The following FRYL variants were observed in gnomAD, a reference collection of about 807,000 sequenced individuals.
FRYL encodes the protein protein furry homolog-like.
In FRYL, 150 loss-of-function variants were observed where a neutral mutation model predicts 351.2. The observed-to-expected ratio is 0.43, with a 90% CI of 0.37 to 0.49. FRYL has a LOEUF of 0.49. FRYL is among the 20% of genes least tolerant of loss of function. FRYL has a pLI of 0.00. For missense variants in FRYL, 3,036 were observed against 3,619.3 expected, an observed-to-expected ratio of 0.84 and a Z score of 4.13; for synonymous variants, 1,153 against 1,257.1, an observed-to-expected ratio of 0.92 and a Z score of 1.75.
intron 3 of FRYL, among the ~76,000 whole-genome samples, chr4:48,647,517 T>C (rs543362873): frequency 1.5e-4 from 23 of 152,324 alleles, no homozygotes; most frequent in Admixed American, 3.3e-4. Flanking sequence ...TATTTATCAA[T>C]AAAATTTTAA....
intron 1 of FRYL, among the ~76,000 whole-genome samples, chr4:48,775,160 C>T (rs1488562685): frequency 6.6e-6 from 1 of 152,216 alleles, no homozygotes; most frequent in East Asian, 1.9e-4. Flanking sequence ...TGGACCTTAA[C>T]CCACCTCCTG....
At chr4:48,700,407 G>C (rs1231519648) in intron 2 of FRYL, among the ~76,000 whole-genome samples, 3 of 152,078 alleles carry the variant, frequency 2.0e-5, no homozygotes, top group African/African-American at 7.2e-5. Flanking sequence ...GTGAAATGCA[G>C]TATTTTACTT....
rs1747472234 is a variant in FRYL, at chr4:48,609,075, A to G, written c.492-8T>C. ...GTGTTGGTTCCTGAATATCTAAAAT[A>G]ACAAAAGAACAAACATAACATTTCA... On this transcript the variant is annotated splice_region_variant and splice_polypyrimidine_tract_variant and intron_variant, in intron 8 of 63. Transcript: ENST00000358350. The G allele has an allele frequency of 2.0e-6, 3 of 1,513,164 alleles. No homozygotes were observed. The highest frequency in any genetic ancestry group is 2.7e-6 in the Non-Finnish European group (3 of 1,092,028). The allele number at this position is 1,513,164 out of a possible 1,614,324, so 93.7% of individuals were successfully genotyped here. A position where few individuals can be genotyped will look rare whatever the true frequency, so the allele number is the denominator to read the frequency against.
chr4:48,725,989 A>T (rs1409559380), intron 1 of FRYL, among the ~76,000 whole-genome samples: 1 of 152,164 alleles, frequency 6.6e-6, no homozygotes, highest in Non-Finnish European at 1.5e-5. Flanking sequence ...TAGGAAAAAA[A>T]ATCACCAATC....
rs569432516 is a variant in FRYL at position 48,683,865 on chromosome 4, C to T, written c.-81+808G>A. 5.9e-5 allele frequency among the ~76,000 whole-genome samples: 9 copies of T among 152,310 alleles called. No individual in the cohort carries two copies. The East Asian group carries it at 1.2e-3, about 20-fold the overall frequency. ...GCCTAAAACTCATTCCTTTCTCCCC[C>T]TCTCTCCCTCCTTCTCTCTCTGGAT... On this transcript the variant is annotated intron_variant, in intron 3 of 63. Transcript: ENST00000358350.
intron 1 of FRYL, among the ~76,000 whole-genome samples, chr4:48,725,077 G>T (rs1413190027): frequency 1.3e-5 from 2 of 152,172 alleles, no homozygotes; most frequent in Admixed American, 1.3e-4. Context: ...ATATAAAAGA[G>T]AAAATTCAAG....
At chr4:48,528,358 G>C in intron 50 of FRYL, 22 bp from the exon 51 acceptor site, 1 of 1,574,114 alleles carries the variant, frequency 6.4e-7, no homozygotes, top group East Asian at 2.3e-5. Flanking sequence ...CAAAATGTCA[G>C]TGTTTGGCTC....
intron 6 of FRYL, among the ~76,000 whole-genome samples, chr4:48,619,728 C>G (rs539609980): frequency 9.2e-5 from 14 of 152,240 alleles, no homozygotes; most frequent in African/African-American, 3.4e-4. Flanking sequence ...TCTCAAATTC[C>G]TGGGTTCAAG....
chr4:48,515,783 TTTCTC>T (rs1399410661), intron 55 of FRYL, among the ~76,000 whole-genome samples: 1 of 152,238 alleles, frequency 6.6e-6, no homozygotes, highest in Non-Finnish European at 1.5e-5. Flanking sequence ...GAGGACTTTT[TTTCTC>T]TTCAGTAACA....
intron 31 of FRYL, among the ~76,000 whole-genome samples, chr4:48,563,578 T>C (rs1477824561): frequency 6.6e-6 from 1 of 151,822 alleles, no homozygotes; most frequent in African/African-American, 2.4e-5. Context: ...GGCATGGTAG[T>C]GGGAGCCTAC....
intron 1 of FRYL, among the ~76,000 whole-genome samples, chr4:48,722,066 TG>T (rs1560314891): frequency 6.6e-6 from 1 of 152,232 alleles, no homozygotes; most frequent in Non-Finnish European, 1.5e-5. Context: ...TAAAATTCCT[TG>T]GTCTCCAGTG....
At chr4:48,663,551 T>C (rs936378288) in intron 3 of FRYL, among the ~76,000 whole-genome samples, 2 of 151,246 alleles carry the variant, frequency 1.3e-5, no homozygotes, top group Admixed American at 1.3e-4. Context: ...CTGCAAAGAA[T>C]AATTGAGTAA....
chr4:48,759,118 T>C (rs1428084135), intron 1 of FRYL, among the ~76,000 whole-genome samples: 1 of 152,052 alleles, frequency 6.6e-6, no homozygotes, highest in Non-Finnish European at 1.5e-5. Flanking sequence ...CATTAGGAGA[T>C]ATACCTAATG....
rs201323338 is a variant in FRYL, at chr4:48,499,567, A to T, written c.8897T>A (p.Ile2966Lys). The change falls in exon 64 of 64, where the codon ATA becomes AAA. Residue 2966 changes from isoleucine to lysine, a missense_variant. Physicochemically the swap from Ile to Lys is moderately radical, Grantham distance 102. Transcript: ENST00000358350. The part of the protein sequence containing the change: ...TLGQTGSFAV[I>K]GSNLDMSEAN... ...TTCTGACATGTCCAGGTTAGAGCCTATAACTGCAAAGCTTCCTGTCTGGCC... is the reference window on the plus strand; with the variant it reads ...TTCTGACATGTCCAGGTTAGAGCCTTTAACTGCAAAGCTTCCTGTCTGGCC... The T allele has an allele frequency of 8.1e-6, 13 of 1,614,162 alleles. No individual in the cohort carries two copies. The highest frequency in any genetic ancestry group is 1.1e-5 in the Non-Finnish European group (13 of 1,180,006).
chr4:48,695,107 T>C (rs1766028836), intron 2 of FRYL, among the ~76,000 whole-genome samples: 1 of 152,172 alleles, frequency 6.6e-6, no homozygotes, highest in African/African-American at 2.4e-5. Context: ...CCACATCTCC[T>C]GCTTACTGAG....
chr4:48,771,522 A>G (rs1775504835), intron 1 of FRYL, among the ~76,000 whole-genome samples: 1 of 152,240 alleles, frequency 6.6e-6, no homozygotes, highest in Non-Finnish European at 1.5e-5. Context: ...CAGGAAAAAC[A>G]GTTCTTCTCC....
intron 13 of FRYL, among the ~76,000 whole-genome samples, chr4:48,599,245 C>G (rs538866118): frequency 2.0e-5 from 3 of 152,238 alleles, no homozygotes; most frequent in South Asian, 2.1e-4. Flanking sequence ...TCACCTATCT[C>G]TCTTAATAAT....
chr4:48,531,377 G>GT (rs1364212634), intron 49 of FRYL, 24 bp from the exon 50 acceptor site: 2 of 1,514,124 alleles, frequency 1.3e-6, no homozygotes, highest in Non-Finnish European at 1.8e-6. Context: ...TAATTGACAC[G>GT]TAAAAGTTAC....
intron 1 of FRYL, among the ~76,000 whole-genome samples, chr4:48,713,616 TA>T: frequency 6.6e-6 from 1 of 152,222 alleles, no homozygotes; most frequent in South Asian, 2.1e-4. Flanking sequence ...CCCAGATTCA[TA>T]AAGCAAGTCC....
Sources: gnomAD v4.1 joint callset for allele counts (sites outside exome capture counted in the v4.1 genomes callset) on GRCh38, gnomAD v4.1.1 for gene constraint, MANE v1.5 for transcripts, NCBI Gene and HGNC (gene_info 2026-07-23, HGNC 2026-07-21) for gene names.